Variants in NRG1 observed in about 807,000 individuals in gnomAD.
The protein encoded by NRG1 is neuregulin 1.
In NRG1, 18 loss-of-function variants were observed where a neutral mutation model predicts 63.8. The observed-to-expected ratio is 0.28, with a 90% CI of 0.19 to 0.42. NRG1 has a LOEUF of 0.42. Among genes scored for constraint, NRG1 ranks in the 10% least tolerant of loss-of-function variants. The pLI is 1.00. For synonymous variants in NRG1, 302 were observed against 301.3 expected (o/e 1.00, Z -0.02); for missense variants, 762 against 814.7 (o/e 0.94, Z 0.79).
intron 1 of NRG1, among the ~76,000 whole-genome samples, chr8:32,064,776 A>G (rs1824470840): frequency 6.6e-6 from 1 of 152,100 alleles, no homozygotes; most frequent in Non-Finnish European, 1.5e-5. Flanking sequence ...CAGCTCTTAA[A>G]CCAGCAGTAT....
chr8:31,709,656 A>G (rs571679749), intron 1 of NRG1, among the ~76,000 whole-genome samples: 51 of 152,120 alleles, frequency 3.4e-4, no homozygotes, highest in African/African-American at 1.1e-3. Context: ...TAGAGTTTCT[A>G]TATCCTTTGG....
chr8:32,619,096 C>T (rs1031357730), intron 5 of NRG1, among the ~76,000 whole-genome samples: 10 of 152,072 alleles, frequency 6.6e-5, no homozygotes, highest in Non-Finnish European at 1.5e-4. Flanking sequence ...CACTTGTAGT[C>T]CCACCTTCTT....
intron 1 of NRG1, among the ~76,000 whole-genome samples, chr8:32,587,843 T>C (rs1841881778): frequency 6.6e-6 from 1 of 152,184 alleles, no homozygotes; most frequent in Admixed American, 6.6e-5. Context: ...GCTATTAACT[T>C]GCTGACCCTT....
At chr8:31,974,286 C>T (rs1390757582) in intron 1 of NRG1, among the ~76,000 whole-genome samples, 1 of 152,188 alleles carries the variant, frequency 6.6e-6, no homozygotes, top group Admixed American at 6.5e-5. Flanking sequence ...CCACCTCAGC[C>T]TCCCAAGTAG....
intron 1 of NRG1, among the ~76,000 whole-genome samples, chr8:32,453,308 T>C (rs1452044896): frequency 6.6e-6 from 1 of 152,244 alleles, no homozygotes; most frequent in East Asian, 1.9e-4. Flanking sequence ...TAAGGTCTTA[T>C]TGACAATCTA....
At chr8:32,771,706 T>TAAAAAAAAAAA (rs36131405), downstream of NRG1, among the ~76,000 whole-genome samples, 1 of 80,234 alleles carries the variant, frequency 1.2e-5, no homozygotes, top group Non-Finnish European at 2.5e-5. Context: ...TCCATTTCTT[T>TAAAAAAAAAAA]AAAAAAAAAA....
intron 1 of NRG1, among the ~76,000 whole-genome samples, chr8:32,148,453 C>T (rs1837147307): frequency 6.6e-6 from 1 of 152,176 alleles, no homozygotes; most frequent in Admixed American, 6.6e-5. Flanking sequence ...GGCTGGAGTG[C>T]AGTGGCGCGA....
At chr8:32,659,828 T>C (rs1426532179) in intron 5 of NRG1, among the ~76,000 whole-genome samples, 2 of 152,144 alleles carry the variant, frequency 1.3e-5, no homozygotes, top group Non-Finnish European at 2.9e-5. Flanking sequence ...TTTTTTCTAC[T>C]ATAAATGTGC....
intron 1 of NRG1, among the ~76,000 whole-genome samples, chr8:31,906,428 C>T (rs1417910113): frequency 2.0e-5 from 3 of 152,142 alleles, no homozygotes; most frequent in Non-Finnish European, 4.4e-5. Context: ...AGATGGAGAT[C>T]CTTGGGAGCT....
intron 1 of NRG1, chr8:32,287,189 G>C (rs1853636397): frequency 6.6e-6 from 1 of 152,126 alleles, no homozygotes; most frequent in Non-Finnish European, 1.5e-5. Context: ...TTGTTTACGT[G>C]GTAAAGACAA....
intron 1 of NRG1, among the ~76,000 whole-genome samples, chr8:32,366,653 TTGTG>T (rs146191135): frequency 1.3e-3 from 134 of 101,866 alleles, no homozygotes; most frequent in African/African-American, 3.2e-3. Flanking sequence ...GTAATATATA[TTGTG>T]TGTGTGTGTG....
rs796332834 is a variant in NRG1 at position 32,608,339 on chromosome 8, TAA to T, written c.400+2667_400+2668del. Among the ~76,000 whole-genome samples the T allele has an allele frequency of 7.1e-3, 1,047 of 146,632 alleles. 13 individuals carry two copies. The highest frequency in any genetic ancestry group is 0.024 in the African/African-American group (978 of 40,162). On this transcript the variant is annotated intron_variant, in intron 3 of 11. Transcript: ENST00000356819. The stretch of plus-strand genomic sequence containing the variant: ...GTGCATGCCATTACGCCTGGCTAAT[TAA>T]AAAAAAAAAATTTTGTTTGAGATGG...
intron 1 of NRG1, among the ~76,000 whole-genome samples, chr8:32,103,175 C>G (rs1830792573): frequency 6.6e-6 from 1 of 152,292 alleles, no homozygotes; most frequent in South Asian, 2.1e-4. Flanking sequence ...CTACCTCTCC[C>G]TGATCCCCCA....
chr8:31,927,548 A>G (rs1282062533), intron 1 of NRG1, among the ~76,000 whole-genome samples: 115 of 138,262 alleles, frequency 8.3e-4, no homozygotes, highest in African/African-American at 3.0e-3. Context: ...TCCGGGGTTC[A>G]CGCCATTCTC....
intron 1 of NRG1, among the ~76,000 whole-genome samples, chr8:31,935,736 C>A (rs1044804720): frequency 4.6e-5 from 7 of 152,194 alleles, no homozygotes; most frequent in African/African-American, 1.4e-4. Flanking sequence ...ACAGCAGCAT[C>A]TTCTGGGGTC....
chr8:32,057,449 C>A (rs1162707579), intron 1 of NRG1, among the ~76,000 whole-genome samples: 3 of 152,116 alleles, frequency 2.0e-5, no homozygotes, highest in Non-Finnish European at 4.4e-5. Flanking sequence ...GTCCTAAAGT[C>A]ATTCTTCAGC....
intron 1 of NRG1, among the ~76,000 whole-genome samples, chr8:32,367,781 C>G (rs1243927837): frequency 6.6e-6 from 1 of 152,054 alleles, no homozygotes; most frequent in East Asian, 1.9e-4. Flanking sequence ...TCCCTCTTTT[C>G]TTCTGTAGCT....
chr8:32,292,916 C>A (rs1854371503), intron 1 of NRG1, among the ~76,000 whole-genome samples: 2 of 152,102 alleles, frequency 1.3e-5, no homozygotes, highest in South Asian at 4.2e-4. Flanking sequence ...CCAGCCTGAC[C>A]AATATGGTGA....
intron 1 of NRG1, among the ~76,000 whole-genome samples, chr8:31,874,236 A>T (rs956911578): frequency 6.6e-6 from 1 of 152,222 alleles, no homozygotes; most frequent in Non-Finnish European, 1.5e-5. Context: ...CTGGCATGAT[A>T]TTTGCTTAAC....
Sources: allele counts gnomAD v4.1 joint callset (sites outside exome capture counted in the v4.1 genomes callset), GRCh38; gene constraint gnomAD v4.1.1; transcripts MANE v1.5; gene names NCBI Gene and HGNC (gene_info 2026-07-23, HGNC 2026-07-21).